MOK: variants seen among roughly 807,000 people sequenced by gnomAD.
MOK encodes MAPK/MAK/MRK overlapping kinase.
MOK carries 59 observed loss-of-function variants against 54.2 expected under a neutral mutation model. The ratio of observed to expected loss-of-function variants is 1.09; its 90% confidence interval spans 0.88 to 1.35. The LOEUF is 1.35. MOK is among the 40% of genes most tolerant of loss of function. MOK has a pLI of 0.00. For missense variants in MOK, 517 were observed against 526.2 expected (o/e 0.98, Z 0.17); for synonymous variants, 210 against 202.7 (o/e 1.04, Z -0.31).
intron 2 of MOK, among the ~76,000 whole-genome samples, chr14:102,269,619 C>A (rs2068196341): frequency 6.6e-6 from 1 of 151,934 alleles, no homozygotes; most frequent in Non-Finnish European, 1.5e-5. Flanking sequence ...ATTATAGGCA[C>A]CTGCCACCAT....
At chr14:102,227,889 C>G (rs2064318572), downstream of MOK, among the ~76,000 whole-genome samples, 1 of 152,234 alleles carries the variant, frequency 6.6e-6, no homozygotes, top group Non-Finnish European at 1.5e-5. Flanking sequence ...AGATTTGTCT[C>G]AACAGGGGAG....
rs2066376237 is a variant in MOK, at chr14:102,249,647, T to TGCG, written c.590+1162_590+1164dup. Among the ~76,000 whole-genome samples the TGCG allele has an allele frequency of 6.6e-6, 1 of 152,222 alleles. No individual in the cohort carries two copies. Among genetic ancestry groups the TGCG allele is most frequent in the Non-Finnish European group, 1.5e-5 (1 of 68,044 alleles). On this transcript the variant is annotated intron_variant, in intron 7 of 11. Coordinates refer to ENST00000361847, the MANE Select transcript of MOK (RefSeq NM_014226.3). The surrounding 1 kb of genome is among the most constrained non-coding windows in gnomAD (Gnocchi z 5.3). ...TCGCTAGAACCCGGGAGGCGGAGGC[T>TGCG]GCGGTGAGCCAAGATCGCACCATTG...
chr14:102,222,953 CT>C, downstream of MOK: 3 of 1,589,114 alleles, frequency 1.9e-6, no homozygotes, highest in Non-Finnish European at 2.6e-6. The surrounding 1 kb of genome is among the most constrained non-coding windows in gnomAD (Gnocchi z 4.4). Flanking sequence ...GAGCTCCGAG[CT>C]GCGCCTGAGC....
At position 102,244,400 on chromosome 14, in the gene MOK, G is replaced by A. The variant is rs141928785; in HGVS notation, c.590+6412C>T. 7.4e-3 allele frequency among the ~76,000 whole-genome samples: 1,133 copies of A among 152,206 alleles called. 14 individuals are homozygous for A. Among genetic ancestry groups the A allele is most frequent in the African/African-American group, 0.025 (1,056 of 41,508 alleles). On this transcript the variant is annotated intron_variant, in intron 7 of 11. Transcript: ENST00000361847. ...CCTCACAGGCCCATTCTATTCTGTC[G>A]TCATTTCATAACCTCTTCCACGTAG...
intron 4 of MOK, among the ~76,000 whole-genome samples, chr14:102,258,733 TATG>T (rs1336342342): frequency 1.3e-5 from 2 of 152,338 alleles, no homozygotes; most frequent in East Asian, 1.9e-4. Flanking sequence ...CCTTTTCTCT[TATG>T]ATATCACTTT....
intron 1 of MOK, among the ~76,000 whole-genome samples, chr14:102,291,212 A>G (rs1470874412): frequency 6.6e-6 from 1 of 152,184 alleles, no homozygotes; most frequent in Non-Finnish European, 1.5e-5. Flanking sequence ...TAGCTTAACT[A>G]AGTCCCAGAG....
intron 7 of MOK, among the ~76,000 whole-genome samples, chr14:102,244,538 G>A (rs1349154252): frequency 2.0e-5 from 3 of 152,104 alleles, no homozygotes; most frequent in Non-Finnish European, 4.4e-5. Context: ...CTACTCCTCA[G>A]GGATTGTTCA....
At position 102,236,773 on chromosome 14, in the gene MOK, C is replaced by T. The variant is rs908788590; in HGVS notation, c.591-2984G>A. ...TTCCCAGCATCCCCAAAAACCCTAT[C>T]TCCCTAACCCACCAAAAAGGCTTAC... On this transcript the variant is annotated intron_variant, in intron 7 of 11. Coordinates refer to ENST00000361847, the MANE Select transcript of MOK (RefSeq NM_014226.3). This position sits in a 1 kb window ranked among gnomAD's most constrained non-coding sequence, Gnocchi z 4.5. 2.0e-5 allele frequency among the ~76,000 whole-genome samples: 3 copies of T among 152,178 alleles called. No homozygotes were observed. Among genetic ancestry groups the T allele is most frequent in the Non-Finnish European group, 2.9e-5 (2 of 68,030 alleles).
chr14:102,262,085 C>T (rs1299727002), intron 4 of MOK, among the ~76,000 whole-genome samples: 1 of 151,972 alleles, frequency 6.6e-6, no homozygotes. Flanking sequence ...TCGTGATCCG[C>T]CTGCCTCAGC....
At chr14:102,286,347 C>T (rs972725665) in intron 1 of MOK, among the ~76,000 whole-genome samples, 9 of 146,944 alleles carry the variant, frequency 6.1e-5, no homozygotes, top group Non-Finnish European at 1.2e-4. Flanking sequence ...TCCGGCCGGG[C>T]GCAGTGGCTC....
At chr14:102,285,648 T>C (rs2069958883) in intron 1 of MOK, among the ~76,000 whole-genome samples, 1 of 152,222 alleles carries the variant, frequency 6.6e-6, no homozygotes, top group South Asian at 2.1e-4. Flanking sequence ...TCCCAGCACT[T>C]TGGGAGACCC....
At chr14:102,300,634 G>A (rs1346271759) in intron 1 of MOK, among the ~76,000 whole-genome samples, 1 of 152,226 alleles carries the variant, frequency 6.6e-6, no homozygotes, top group African/African-American at 2.4e-5. Flanking sequence ...TCTGACTGAT[G>A]TTTTCATTCT....
intron 1 of MOK, among the ~76,000 whole-genome samples, chr14:102,300,894 C>T (rs572121930): frequency 6.6e-6 from 1 of 152,250 alleles, no homozygotes; most frequent in East Asian, 1.9e-4. Flanking sequence ...GTCAGGAGTT[C>T]TTGACCAGCC....
At position 102,229,034 on chromosome 14, in the gene MOK, C is replaced by A. The variant is rs536432289; in HGVS notation, c.*255G>T. On this transcript the variant is annotated 3_prime_UTR_variant, in exon 12 of 12. Transcript: ENST00000361847. ...ATACAAAGTTACAAAGTATTTCCTGCCCCAAATTCTTAACGAAAATGAAAG... is the reference window on the plus strand; with the variant it reads ...ATACAAAGTTACAAAGTATTTCCTGACCCAAATTCTTAACGAAAATGAAAG... The A allele has an allele frequency of 2.0e-6, 1 of 499,434 alleles. No individual in the cohort carries two copies. 30.9% of individuals were successfully genotyped at this position (499,434 alleles called of 1,614,324 possible).
At position 102,229,049 on chromosome 14, in the gene MOK, G is replaced by A. The variant is rs952153618; in HGVS notation, c.*240C>T. On this transcript the variant is annotated 3_prime_UTR_variant, in exon 12 of 12. Transcript: ENST00000361847. ...GTATTTCCTGCCCCAAATTCTTAAC[G>A]AAAATGAAAGAAAACCCTAGAATGC... The A allele has an allele frequency of 8.0e-6, 4 of 497,236 alleles. No homozygotes were observed. The highest frequency in any genetic ancestry group is 1.4e-5 in the Non-Finnish European group (4 of 285,218). The allele number at this position is 497,236 out of a possible 1,614,324, so 30.8% of individuals were successfully genotyped here.
At chr14:102,294,860 T>A (rs2071263057) in intron 1 of MOK, among the ~76,000 whole-genome samples, 1 of 152,152 alleles carries the variant, frequency 6.6e-6, no homozygotes, top group Admixed American at 6.6e-5. Context: ...CTCGAAACCA[T>A]CACAACCAGC....
chr14:102,276,920 C>T (rs1051949709), intron 2 of MOK, among the ~76,000 whole-genome samples: 3 of 151,704 alleles, frequency 2.0e-5, no homozygotes, highest in Non-Finnish European at 4.4e-5. Context: ...GTGATCATGG[C>T]TCATTGCAGC....
At chr14:102,229,859 CA>C in intron 10 of MOK, 1 of 581,572 alleles carries the variant, frequency 1.7e-6, no homozygotes, top group African/African-American at 1.9e-5. Context: ...GCCAAACCTT[CA>C]GGGGGAACCT....
downstream of MOK, among the ~76,000 whole-genome samples, chr14:102,219,783 C>T (rs1295430347): frequency 6.6e-6 from 1 of 152,230 alleles, no homozygotes. Flanking sequence ...GGGCTGCCAT[C>T]AAAAGGGCGA....
Sources: gnomAD v4.1 joint callset for allele counts (sites outside exome capture counted in the v4.1 genomes callset) on GRCh38, gnomAD v4.1.1 for gene constraint, Gnocchi (gnomAD v3.1) non-coding constraint, MANE v1.5 for transcripts, NCBI Gene and HGNC (gene_info 2026-07-23, HGNC 2026-07-21) for gene names.